The following ZNF804B variants were observed in gnomAD, a reference collection of about 807,000 sequenced individuals.
ZNF804B encodes the protein zinc finger 804B.
Under a neutral mutation model 101.4 loss-of-function variants are expected in ZNF804B, and 80 were observed. The ratio of observed to expected loss-of-function variants is 0.79; its 90% CI spans 0.66 to 0.95. ZNF804B has a LOEUF of 0.95. Ranked by LOEUF, ZNF804B falls within the 40% of genes least tolerant of loss-of-function variation. ZNF804B has a pLI of 0.00. For synonymous variants in ZNF804B, 622 were observed against 558.8 expected, an observed-to-expected ratio of 1.11 and a Z score of -1.59; for missense variants, 1,673 against 1,561.9, an observed-to-expected ratio of 1.07 and a Z score of -1.20.
chr7:89,267,092 C>A (rs947018508), intron 2 of ZNF804B, among the ~76,000 whole-genome samples: 6 of 152,070 alleles, frequency 3.9e-5, no homozygotes, highest in African/African-American at 1.4e-4. Flanking sequence ...ATTCTGCAGA[C>A]CTTGATTTAA....
Position 89,230,308 on chromosome 7 carries a change from G to GGAGA in ZNF804B, c.249+12028_249+12031dup, listed in dbSNP as rs58208342. ...AGGAGAGAGATAGACATGGGGAGGGGGAGAGAGAGAGAGAGAGAATGAGCG... is the reference window on the plus strand; with the variant it reads ...AGGAGAGAGATAGACATGGGGAGGGGGAGAGAGAGAGAGAGAGAGAGAATGAGCG... On this transcript the variant is annotated intron_variant, in intron 2 of 3. Transcript: ENST00000333190. 1.6e-3 allele frequency among the ~76,000 whole-genome samples: 241 copies of GGAGA among 149,004 alleles called. 1 individual carries two copies. The highest frequency in any genetic ancestry group is 6.8e-3 in the Middle Eastern group (2 of 294).
intron 1 of ZNF804B, among the ~76,000 whole-genome samples, chr7:88,998,535 T>A (rs1334988232): frequency 1.3e-5 from 2 of 151,998 alleles, no homozygotes; most frequent in African/African-American, 4.8e-5. Flanking sequence ...ATTTACCTGA[T>A]CATAAGAAGT....
chr7:88,889,441 G>A (rs1792182886), intron 1 of ZNF804B, among the ~76,000 whole-genome samples: 2 of 152,156 alleles, frequency 1.3e-5, no homozygotes, highest in African/African-American at 4.8e-5. Context: ...CCTTATCAAC[G>A]TCTGTTATTT....
At chr7:88,886,268 TATATTTGTAG>T (rs768013500) in intron 1 of ZNF804B, among the ~76,000 whole-genome samples, 2 of 152,008 alleles carry the variant, frequency 1.3e-5, no homozygotes. Context: ...TGCATGGATG[TATATTTGTAG>T]GTGTGGGTAG....
chr7:88,761,782 C>T (rs369827296), intron 1 of ZNF804B, among the ~76,000 whole-genome samples: 7 of 152,152 alleles, frequency 4.6e-5, no homozygotes, highest in Non-Finnish European at 1.0e-4. Context: ...TAATCTTACA[C>T]GGTTTAGTTC....
intron 3 of ZNF804B, among the ~76,000 whole-genome samples, chr7:89,329,896 T>C (rs933590495): frequency 1.3e-5 from 2 of 151,636 alleles, no homozygotes; most frequent in Non-Finnish European, 3.0e-5. Flanking sequence ...CACGAAAGAA[T>C]GACACCATTT....
intron 2 of ZNF804B, among the ~76,000 whole-genome samples, chr7:89,290,668 A>G (rs1293194572): frequency 2.6e-5 from 4 of 152,064 alleles, no homozygotes; most frequent in African/African-American, 7.2e-5. Context: ...TAAAAGGGGG[A>G]AGGACTGTGT....
At chr7:89,099,488 G>A (rs1273369056) in intron 1 of ZNF804B, among the ~76,000 whole-genome samples, 1 of 152,172 alleles carries the variant, frequency 6.6e-6, no homozygotes, top group Non-Finnish European at 1.5e-5. Flanking sequence ...CTGGGAAAAG[G>A]TCCAGTTCAG....
At chr7:89,205,057 A>G (rs569531599) in intron 1 of ZNF804B, among the ~76,000 whole-genome samples, 43 of 152,298 alleles carry the variant, frequency 2.8e-4, no homozygotes, top group African/African-American at 1.0e-3. Flanking sequence ...GTCATGTCTT[A>G]CATGGCAGCA....
At chr7:89,118,125 C>T (rs1269224325) in intron 1 of ZNF804B, among the ~76,000 whole-genome samples, 2 of 152,058 alleles carry the variant, frequency 1.3e-5, no homozygotes, top group African/African-American at 2.4e-5. Flanking sequence ...AACTAACTGA[C>T]TTTTTTTGAA....
intron 1 of ZNF804B, among the ~76,000 whole-genome samples, chr7:89,108,948 T>C (rs549337606): frequency 1.3e-5 from 2 of 152,278 alleles, no homozygotes; most frequent in South Asian, 2.1e-4. Context: ...ACTGCATATA[T>C]ATTTAATAAG....
intron 2 of ZNF804B, among the ~76,000 whole-genome samples, chr7:89,260,149 T>C (rs1244079816): frequency 6.6e-6 from 1 of 152,216 alleles, no homozygotes; most frequent in Non-Finnish European, 1.5e-5. Flanking sequence ...CCAGGCTTTC[T>C]TGTGGTACAA....
intron 1 of ZNF804B, among the ~76,000 whole-genome samples, chr7:88,847,228 T>C (rs1791385595): frequency 1.3e-5 from 2 of 152,040 alleles, no homozygotes; most frequent in South Asian, 4.1e-4. Context: ...AGCAAAATTC[T>C]CTTCACTCTG....
At chr7:89,240,068 AT>A (rs1442614287) in intron 2 of ZNF804B, among the ~76,000 whole-genome samples, 2 of 151,364 alleles carry the variant, frequency 1.3e-5, no homozygotes, top group African/African-American at 2.4e-5. Context: ...AATATTTTGA[AT>A]AAAATGTCTT....
chr7:89,071,850 T>C, intron 1 of ZNF804B, among the ~76,000 whole-genome samples: 1 of 151,806 alleles, frequency 6.6e-6, no homozygotes, highest in East Asian at 1.9e-4. Flanking sequence ...TACTAAGAAA[T>C]ACTTACTTTT....
chr7:89,066,900 T>A lies in ZNF804B; in HGVS notation c.109-151255T>A, dbSNP rs562155019. Among the ~76,000 whole-genome samples, 55 of 152,172 alleles carry A rather than the reference T, an allele frequency of 3.6e-4. 1 individual carries two copies. In the South Asian group the frequency reaches 8.3e-3, roughly 23 times the overall value. On this transcript the variant is annotated intron_variant, in intron 1 of 3. Transcript: ENST00000333190. Reference sequence around the variant, plus strand: ...GCCTCAGCCTCCTGAGTGTTCTTATTCTGGTTTATGTGATGTTTGTGGTAT... The same window carrying A: ...GCCTCAGCCTCCTGAGTGTTCTTATACTGGTTTATGTGATGTTTGTGGTAT...
At chr7:89,108,183 C>A (rs917166587) in intron 1 of ZNF804B, among the ~76,000 whole-genome samples, 4 of 150,938 alleles carry the variant, frequency 2.7e-5, no homozygotes, top group Non-Finnish European at 4.4e-5. Context: ...TCCTTTTAAC[C>A]TCTTTGTGGG....
chr7:89,013,080 A>G (rs1438218845), intron 1 of ZNF804B, among the ~76,000 whole-genome samples: 1 of 152,116 alleles, frequency 6.6e-6, no homozygotes, highest in Non-Finnish European at 1.5e-5. Flanking sequence ...ATGACACCAT[A>G]GGGGAACCGC....
Position 88,844,968 on chromosome 7 carries a change from C to G in ZNF804B, c.108+84884C>G, listed in dbSNP as rs531790074. ...TGGATCTGCGAGCTGGAAGTTCTCTCATTAAAGCAAAACCATCATAGAAAT... is the reference window on the plus strand; with the variant it reads ...TGGATCTGCGAGCTGGAAGTTCTCTGATTAAAGCAAAACCATCATAGAAAT... On this transcript the variant is annotated intron_variant, in intron 1 of 3. Transcript: ENST00000333190. Among the ~76,000 whole-genome samples, 3 of 152,302 alleles carry G rather than the reference C, an allele frequency of 2.0e-5. No individual in the cohort carries two copies. In the East Asian group the frequency reaches 5.8e-4, roughly 29 times the overall value.
Sources: gnomAD v4.1 joint callset for allele counts (sites outside exome capture counted in the v4.1 genomes callset) on GRCh38, gnomAD v4.1.1 for gene constraint, MANE v1.5 for transcripts, NCBI Gene and HGNC (gene_info 2026-07-23, HGNC 2026-07-21) for gene names.